The following RETREG1 variants were observed in gnomAD, a reference collection of about 807,000 sequenced individuals.
RETREG1 encodes family with sequence similarity 134 member B.
RETREG1 carries 44 observed loss-of-function variants against 54.8 expected under a neutral mutation model. That is an observed-to-expected ratio of 0.80 (90% CI 0.63 to 1.03). RETREG1 has a LOEUF of 1.03. RETREG1 is among the 50% of genes least tolerant of loss of function. RETREG1 has a pLI of 0.00. For synonymous variants in RETREG1, 217 were observed against 238.5 expected (o/e 0.91, Z 0.83); for missense variants, 554 against 605.1 (o/e 0.92, Z 0.89).
chr5:16,603,090 C>T (rs766213792), intron 1 of RETREG1, among the ~76,000 whole-genome samples: 2 of 152,078 alleles, frequency 1.3e-5, no homozygotes, highest in South Asian at 2.1e-4. Flanking sequence ...AAACAACAGT[C>T]GCTCCTAGAA....
chr5:16,508,925 T>C, intron 3 of RETREG1: 1 of 1,200,246 alleles, frequency 8.3e-7, no homozygotes, highest in South Asian at 2.3e-5. Context: ...AAGTGAGCCC[T>C]GCCCAGCTGC....
intron 1 of RETREG1, among the ~76,000 whole-genome samples, chr5:16,579,264 C>T (rs1742420148): frequency 6.6e-6 from 1 of 152,116 alleles, no homozygotes; most frequent in South Asian, 2.1e-4. Context: ...CGTCATTAAA[C>T]CTATTTTACA....
intron 3 of RETREG1, among the ~76,000 whole-genome samples, chr5:16,501,097 T>C (rs1042227559): frequency 1.3e-5 from 2 of 152,202 alleles, no homozygotes; most frequent in Non-Finnish European, 1.5e-5. Flanking sequence ...GTATAACTTA[T>C]GTATACATTT....
intron 1 of RETREG1, among the ~76,000 whole-genome samples, chr5:16,607,356 C>T (rs1000641261): frequency 7.9e-5 from 12 of 152,016 alleles, no homozygotes; most frequent in African/African-American, 2.9e-4. Context: ...CATATTTTGG[C>T]CAGGCGTGGT....
intron 3 of RETREG1, among the ~76,000 whole-genome samples, chr5:16,500,410 TGA>T (rs1341263229): frequency 6.6e-6 from 1 of 151,976 alleles, no homozygotes; most frequent in African/African-American, 2.4e-5. Context: ...AATGGGTGAA[TGA>T]GAGACTGTGA....
At chr5:16,566,656 C>T (rs902640177) in intron 2 of RETREG1, among the ~76,000 whole-genome samples, 3 of 152,192 alleles carry the variant, frequency 2.0e-5, no homozygotes, top group Non-Finnish European at 4.4e-5. Flanking sequence ...TTGCTTGCTT[C>T]ATTTTTTTCA....
intron 1 of RETREG1, among the ~76,000 whole-genome samples, chr5:16,598,349 A>C (rs1317893173): frequency 6.6e-6 from 1 of 152,136 alleles, no homozygotes; most frequent in East Asian, 1.9e-4. Context: ...TTTCTTCCCC[A>C]CATTGTGAGT....
At chr5:16,533,786 A>G (rs530847248) in intron 3 of RETREG1, among the ~76,000 whole-genome samples, 1 of 152,304 alleles carries the variant, frequency 6.6e-6, no homozygotes, top group East Asian at 1.9e-4. Flanking sequence ...GAACTTATCT[A>G]CCAGAAAGAC....
chr5:16,616,464 C>G, intron 1 of RETREG1, 188 bp downstream of exon 1: 1 of 1,059,200 alleles, frequency 9.4e-7, no homozygotes, highest in African/African-American at 1.7e-5. Flanking sequence ...CTCACAGGGA[C>G]GTGCGTCCGG....
Position 16,474,707 on chromosome 5 carries a change from G to GTTTTTTTTTTTTT in RETREG1, c.*33_*34insAAAAAAAAAAAAA. ...TTTTCTTGTTTGAAATTTTTTTGGT[G>GTTTTTTTTTTTTT]TTTTTTGTGCTCTGTTGCAAGCTGA... On this transcript the variant is annotated 3_prime_UTR_variant, in exon 9 of 9. Coordinates refer to ENST00000306320, the MANE Select transcript of RETREG1 (RefSeq NM_001034850.3). 4.4e-6 allele frequency: 6 copies of GTTTTTTTTTTTTT among 1,372,044 alleles called. No individual in the cohort carries two copies. The highest frequency in any genetic ancestry group is 2.5e-5 in the Admixed American group (1 of 40,776). 85.0% of individuals were successfully genotyped at this position (1,372,044 alleles called of 1,614,324 possible). A position where few individuals can be genotyped will look rare whatever the true frequency, so the allele number is the denominator to read the frequency against.
intron 1 of RETREG1, among the ~76,000 whole-genome samples, chr5:16,609,056 C>T (rs1279259597): frequency 6.6e-6 from 1 of 152,152 alleles, no homozygotes; most frequent in Non-Finnish European, 1.5e-5. Flanking sequence ...TAAACTTACA[C>T]TTAAATAAAA....
intron 3 of RETREG1, among the ~76,000 whole-genome samples, chr5:16,502,249 T>G (rs1212485023): frequency 6.6e-6 from 1 of 152,118 alleles, no homozygotes; most frequent in Non-Finnish European, 1.5e-5. Flanking sequence ...TGAGCCACCA[T>G]GCCCAGCCTA....
intron 1 of RETREG1, among the ~76,000 whole-genome samples, chr5:16,580,055 G>C (rs1177924989): frequency 1.3e-5 from 2 of 152,172 alleles, no homozygotes; most frequent in East Asian, 3.9e-4. Context: ...CTATTTTTCA[G>C]ATACCATTTT....
At chr5:16,485,390 A>G (rs1738975140) in intron 3 of RETREG1, among the ~76,000 whole-genome samples, 1 of 152,202 alleles carries the variant, frequency 6.6e-6, no homozygotes, top group South Asian at 2.1e-4. Flanking sequence ...AACAGTTCAT[A>G]ACTCCTGGCC....
In RETREG1 at chr5:16,510,144, A is replaced by G. The variant is rs1313675374; in HGVS notation, c.459-26672T>C. Among the ~76,000 whole-genome samples, 4 of 152,268 alleles carry G rather than the reference A, an allele frequency of 2.6e-5. No individual in the cohort carries two copies. The East Asian group carries it at 7.7e-4, about 29-fold the overall frequency. The stretch of plus-strand genomic sequence containing the variant: ...TGTGAAAGTGACTTTCTACCACATT[A>G]AAGAAATGTCAAAACAAATAATATC... On this transcript the variant is annotated intron_variant, in intron 3 of 8. Transcript: ENST00000306320.
intron 1 of RETREG1, among the ~76,000 whole-genome samples, chr5:16,599,101 A>G (rs1341538611): frequency 1.3e-5 from 2 of 152,182 alleles, no homozygotes. Context: ...CCAGCTACTC[A>G]GGAGGCTGAT....
chr5:16,606,399 G>A (rs1382299761), intron 1 of RETREG1, among the ~76,000 whole-genome samples: 1 of 152,070 alleles, frequency 6.6e-6, no homozygotes, highest in Non-Finnish European at 1.5e-5. Context: ...ACGTTCCCAA[G>A]GCTGCAACGA....
At chr5:16,534,365 T>G (rs1444016967) in intron 3 of RETREG1, among the ~76,000 whole-genome samples, 2 of 152,204 alleles carry the variant, frequency 1.3e-5, no homozygotes, top group Non-Finnish European at 2.9e-5. Flanking sequence ...TGTCAACATG[T>G]GCTCTAAGAA....
At position 16,616,439 on chromosome 5, in the gene RETREG1, G is replaced by A. The variant is rs540742188; in HGVS notation, c.320+213C>T. On this transcript the variant is annotated intron_variant, in intron 1 of 8. Transcript: ENST00000306320. ...CGCATCTGAGGCTGGATCCGCACAC[G>A]GAGAACGACAACTGCTCACAGGGAC... 231 of 867,564 alleles carry A rather than the reference G, an allele frequency of 2.7e-4. 1 individual carries two copies. Among genetic ancestry groups the A allele is most frequent in the South Asian group, 2.6e-3 (131 of 49,470 alleles). The allele number at this position is 867,564 out of a possible 1,614,324, so 53.7% of individuals were successfully genotyped here.
Sources: gnomAD v4.1 joint callset for allele counts (sites outside exome capture counted in the v4.1 genomes callset) on GRCh38, gnomAD v4.1.1 for gene constraint, MANE v1.5 for transcripts, NCBI Gene and HGNC (gene_info 2026-07-23, HGNC 2026-07-21) for gene names.